Variants in COL4A6 observed in about 807,000 individuals in gnomAD.
COL4A6 encodes collagen type IV alpha 6 chain, also known as collagen alpha-6(IV) chain.
A neutral mutation model predicts 126.7 loss-of-function variants in COL4A6; 59 were observed. That is an observed-to-expected ratio of 0.47 (90% CI 0.38 to 0.58). The LOEUF is 0.58. Among genes scored for constraint, COL4A6 ranks in the 20% least tolerant of loss-of-function variants. The probability of loss-of-function intolerance (pLI) is 0.00; values close to 1 mark genes in which losing one functional copy is unlikely to be tolerated. For synonymous variants in COL4A6, 547 were observed against 496.6 expected, an observed-to-expected ratio of 1.10 and a Z score of -1.35; for missense variants, 1,285 against 1,337.3, an observed-to-expected ratio of 0.96 and a Z score of 0.61.
rs750858049 is a variant in COL4A6 at position 108,289,164 on chromosome X, G to T, written c.144+21584C>A. 1.0e-4 allele frequency among the ~76,000 whole-genome samples: 11 copies of T among 109,911 alleles called. No homozygotes were observed. In the South Asian group the frequency reaches 4.0e-3, roughly 40 times the overall value. On this transcript the variant is annotated intron_variant, in intron 3 of 44. Transcript: ENST00000334504. The stretch of plus-strand genomic sequence containing the variant: ...AAACAAAATTATAAGGACATCATTG[G>T]GATAACGGGGAAGTTTGACTACAGA...
chrX:108,400,908 C>G (rs767284543), intron 2 of COL4A6, among the ~76,000 whole-genome samples: 2 of 111,745 alleles, frequency 1.8e-5, no homozygotes, highest in South Asian at 7.4e-4. Flanking sequence ...TTTTCTTTAG[C>G]CTTTCAGGCT....
In COL4A6 at chrX:108,179,314, G is replaced by C; in HGVS notation, c.2256C>G (p.Ile752Met). 1 of 1,211,379 alleles carries C rather than the reference G, an allele frequency of 8.3e-7. No homozygotes were observed. Among genetic ancestry groups the C allele is most frequent in the South Asian group, 1.8e-5 (1 of 56,948 alleles). Reference protein sequence around the residue: ...LPGSKGATGDIFGAENGAPGE... With the variant: ...LPGSKGATGDMFGAENGAPGE... ...CCGGAGCACCATTTTCAGCACCAAAGATGTCACCAGTGGCTCCCTTGGAAC... is the reference window on the plus strand; with the variant it reads ...CCGGAGCACCATTTTCAGCACCAAACATGTCACCAGTGGCTCCCTTGGAAC... Residue 752 changes from isoleucine (I) to methionine (M), a missense_variant, in exon 26 of 45, where the codon ATC becomes ATG. Ile to Met is a conservative substitution (Grantham distance 10). Coordinates refer to ENST00000334504, the MANE Select transcript of COL4A6 (RefSeq NM_033641.4).
intron 2 of COL4A6, among the ~76,000 whole-genome samples, chrX:108,376,985 C>T (rs1256449911): frequency 8.9e-6 from 1 of 112,308 alleles, no homozygotes; most frequent in African/African-American, 3.2e-5. Context: ...GCCCAGGGGA[C>T]CAGCGTTCAG....
chrX:108,243,515 A>T (rs1473572765), intron 3 of COL4A6, among the ~76,000 whole-genome samples: 1 of 111,800 alleles, frequency 8.9e-6, no homozygotes, highest in Non-Finnish European at 1.9e-5. Context: ...ACCTGACCAC[A>T]CTGGCACCCT....
At chrX:108,282,383 A>C (rs1001435880) in intron 3 of COL4A6, among the ~76,000 whole-genome samples, 1 of 110,550 alleles carries the variant, frequency 9.0e-6, no homozygotes, top group Non-Finnish European at 1.9e-5. Context: ...GCAGCCAAAA[A>C]ACACATGAAA....
chrX:108,205,787 A>C, intron 9 of COL4A6, 92 bp from the exon 10 acceptor site: 15 of 751,358 alleles, frequency 2.0e-5, no homozygotes, highest in African/African-American at 4.2e-5. Context: ...CCAGTAACTC[A>C]GCCATCTTTC....
Position 108,371,935 on chromosome X carries a change from G to A in COL4A6, c.64-61107C>T, listed in dbSNP as rs189870725. 7.8e-3 allele frequency among the ~76,000 whole-genome samples: 840 copies of A among 107,955 alleles called. 1 individual carries two copies. The highest frequency in any genetic ancestry group is 0.012 in the Non-Finnish European group (612 of 52,223). 93.7% of individuals were successfully genotyped at this position (107,955 alleles called of 115,157 possible). ...GATTAAGTGTAAAAGATGGAAAAAA[G>A]AGAAAGAATAAAAGCAGGAAGAAAA... On this transcript the variant is annotated intron_variant, in intron 2 of 44. Transcript: ENST00000334504.
At chrX:108,183,966 A>G (rs947352232) in intron 23 of COL4A6, among the ~76,000 whole-genome samples, 8 of 111,713 alleles carry the variant, frequency 7.2e-5, no homozygotes, top group African/African-American at 2.6e-4. Flanking sequence ...ATTGATTACT[A>G]TGAGCATCTG....
intron 3 of COL4A6, chrX:108,268,904 T>G: frequency 4.6e-6 from 1 of 218,067 alleles, no homozygotes. Context: ...TCTGAAGGCT[T>G]AAGGGCAATG....
intron 3 of COL4A6, among the ~76,000 whole-genome samples, chrX:108,279,739 G>A (rs1306478894): frequency 3.6e-5 from 4 of 111,368 alleles, no homozygotes; most frequent in Admixed American, 9.5e-5. Flanking sequence ...CCACATAGTT[G>A]GAAGTAAAGC....
At chrX:108,201,708 A>G (rs189440690) in intron 13 of COL4A6, among the ~76,000 whole-genome samples, 1 of 111,810 alleles carries the variant, frequency 8.9e-6, no homozygotes, top group African/African-American at 3.2e-5. Flanking sequence ...ACATTTTTAC[A>G]TTTTGAATCT....
chrX:108,336,606 T>C (rs1290420204), intron 2 of COL4A6, among the ~76,000 whole-genome samples: 1 of 111,287 alleles, frequency 9.0e-6, no homozygotes, highest in African/African-American at 3.3e-5. Context: ...CCATGAATTG[T>C]ACTGTTTAAA....
intron 3 of COL4A6, among the ~76,000 whole-genome samples, chrX:108,249,830 C>T (rs1004292378): frequency 1.8e-5 from 2 of 111,671 alleles, no homozygotes; most frequent in African/African-American, 6.5e-5. Flanking sequence ...TCCTCTCCAG[C>T]GCTATCTGCC....
At chrX:108,282,584 T>C (rs5973859) in intron 3 of COL4A6, among the ~76,000 whole-genome samples, 28,831 of 109,715 alleles carry the variant, frequency 0.26, 3,201 homozygotes, top group East Asian at 0.61. Context: ...TGGAAGTCAG[T>C]GTGGTGATTC....
intron 2 of COL4A6, among the ~76,000 whole-genome samples, chrX:108,405,200 TG>T (rs200805707): frequency 1.8e-5 from 2 of 110,414 alleles, no homozygotes; most frequent in Non-Finnish European, 3.8e-5. Context: ...TTTTTGTTTT[TG>T]TTTTTTTTTT....
intron 3 of COL4A6, among the ~76,000 whole-genome samples, chrX:108,252,955 A>G (rs1569383633): frequency 8.9e-6 from 1 of 111,888 alleles, no homozygotes; most frequent in East Asian, 2.8e-4. Context: ...TCCATTCATA[A>G]AAATAAACGT....
At chrX:108,223,820 G>C (rs1221651877) in intron 3 of COL4A6, among the ~76,000 whole-genome samples, 3 of 111,478 alleles carry the variant, frequency 2.7e-5, no homozygotes, top group Non-Finnish European at 5.7e-5. Context: ...TTGAGGAGGA[G>C]GGAGCTGCTT....
chrX:108,343,318 T>A lies in COL4A6; in HGVS notation c.64-32490A>T, dbSNP rs190079255. On this transcript the variant is annotated intron_variant, in intron 2 of 44. Transcript: ENST00000334504. ...GGCTTCTGTCTTCATGCCATCTAAA[T>A]CAGGGGGACGGAACTGTGGCAAGAT... 2.2e-4 allele frequency among the ~76,000 whole-genome samples: 24 copies of A among 106,911 alleles called. No homozygotes were observed. The East Asian group carries it at 6.8e-3, about 30-fold the overall frequency. 92.8% of individuals were successfully genotyped at this position (106,911 alleles called of 115,157 possible).
intron 2 of COL4A6, among the ~76,000 whole-genome samples, chrX:108,416,137 T>C (rs1190779962): frequency 8.9e-6 from 1 of 112,146 alleles, no homozygotes; most frequent in Non-Finnish European, 1.9e-5. Context: ...AGGTTTATTG[T>C]TAAAAACAGG....
Sources: allele counts gnomAD v4.1 joint callset (sites outside exome capture counted in the v4.1 genomes callset), GRCh38; gene constraint gnomAD v4.1.1; transcripts MANE v1.5; gene names NCBI Gene and HGNC (gene_info 2026-07-23, HGNC 2026-07-21).